SPATA16: variants seen among roughly 807,000 people sequenced by gnomAD.
The protein encoded by SPATA16 is spermatogenesis-associated protein 16.
Under a neutral mutation model 63.3 loss-of-function variants are expected in SPATA16, and 36 were observed. The ratio of observed to expected loss-of-function variants is 0.57; its 90% confidence interval spans 0.44 to 0.75. The LOEUF (loss-of-function observed/expected upper bound fraction) is 0.75, where lower values mean the gene tolerates loss of function less well. Among genes scored for constraint, SPATA16 ranks in the 30% least tolerant of loss-of-function variants. The pLI is 0.00. For synonymous variants in SPATA16, 203 were observed against 216.7 expected (o/e 0.94, Z 0.56); for missense variants, 646 against 679.3 (o/e 0.95, Z 0.54).
intron 3 of SPATA16, among the ~76,000 whole-genome samples, chr3:173,022,348 C>T (rs983008237): frequency 5.9e-5 from 9 of 151,924 alleles, no homozygotes; most frequent in Non-Finnish European, 1.0e-4. Flanking sequence ...TAAGAGGGAC[C>T]GAAGGAAGAC....
chr3:172,890,243 G>A (rs755542429), intron 10 of SPATA16, among the ~76,000 whole-genome samples: 59 of 152,002 alleles, frequency 3.9e-4, no homozygotes, highest in Non-Finnish European at 7.4e-4. Flanking sequence ...CACACTCCAG[G>A]GAATAAGGTA....
chr3:173,059,284 T>TC (rs1736319216), intron 2 of SPATA16, among the ~76,000 whole-genome samples: 3 of 151,818 alleles, frequency 2.0e-5, no homozygotes, highest in Admixed American at 2.0e-4. Flanking sequence ...CTTTTTTTTT[T>TC]CTTTCCTCTT....
intron 1 of SPATA16, among the ~76,000 whole-genome samples, chr3:173,132,873 G>T (rs372093109): frequency 1.3e-5 from 2 of 152,110 alleles, no homozygotes; most frequent in Non-Finnish European, 2.9e-5. Flanking sequence ...AGATTTAAAA[G>T]AACTCAATAT....
chr3:173,046,758 A>G (rs923990095), intron 3 of SPATA16, among the ~76,000 whole-genome samples: 2 of 151,998 alleles, frequency 1.3e-5, no homozygotes, highest in East Asian at 1.9e-4. Context: ...TTTGTTGACT[A>G]TATTTCAGAC....
At chr3:173,061,396 CT>C (rs1736375073) in intron 2 of SPATA16, among the ~76,000 whole-genome samples, 1 of 152,120 alleles carries the variant, frequency 6.6e-6, no homozygotes, top group Non-Finnish European at 1.5e-5. Context: ...GCCGTTCTTT[CT>C]TGGGGATTTG....
rs141025257 is a variant in SPATA16, at chr3:173,113,459, T to C, written c.612+3661A>G. On this transcript the variant is annotated intron_variant, in intron 2 of 10. Coordinates refer to ENST00000351008, the MANE Select transcript of SPATA16 (RefSeq NM_031955.6). ...ACCTTTATACAGTAAAAAGAAAGCA[T>C]GCAAAAATAAGTTATTTCATTAAGC... Among the ~76,000 whole-genome samples the C allele has an allele frequency of 1.5e-3, 226 of 152,334 alleles. 2 individuals are homozygous for C. The highest frequency in any genetic ancestry group is 2.6e-3 in the Non-Finnish European group (180 of 68,028).
At chr3:172,913,514 G>A (rs1732416009) in intron 10 of SPATA16, 147 bp downstream of exon 10, 3 of 713,674 alleles carry the variant, frequency 4.2e-6, no homozygotes, top group African/African-American at 1.8e-5. Flanking sequence ...CACACTTCCA[G>A]GGAGAGAGCT....
chr3:173,007,715 G>C (rs1734975270), intron 4 of SPATA16, among the ~76,000 whole-genome samples: 1 of 151,632 alleles, frequency 6.6e-6, no homozygotes, highest in South Asian at 2.1e-4. Flanking sequence ...GAAGAGACCA[G>C]ATTTGTGGCA....
chr3:172,983,574 A>G (rs1319602219), intron 4 of SPATA16, among the ~76,000 whole-genome samples: 1 of 152,178 alleles, frequency 6.6e-6, no homozygotes, highest in Non-Finnish European at 1.5e-5. Context: ...CCTTTCTCCT[A>G]TACTTAAAAA....
chr3:172,997,317 A>G (rs1213411765), intron 4 of SPATA16, among the ~76,000 whole-genome samples: 2 of 152,074 alleles, frequency 1.3e-5, no homozygotes, highest in African/African-American at 2.4e-5. Context: ...ATAGGTGTGT[A>G]GTGGTTGGTA....
chr3:173,082,482 C>A (rs1009354886), intron 2 of SPATA16, among the ~76,000 whole-genome samples: 1 of 152,182 alleles, frequency 6.6e-6, no homozygotes, highest in Non-Finnish European at 1.5e-5. Context: ...GCCTGGACAA[C>A]CCAGACCAAG....
At chr3:173,076,501 A>C (rs1431338917) in intron 2 of SPATA16, among the ~76,000 whole-genome samples, 4 of 152,110 alleles carry the variant, frequency 2.6e-5, no homozygotes. Flanking sequence ...CTTTTTTTAA[A>C]AAACATCCAT....
chr3:173,124,075 T>C (rs1336872102), intron 1 of SPATA16, among the ~76,000 whole-genome samples: 11 of 152,194 alleles, frequency 7.2e-5, no homozygotes. Flanking sequence ...TGCTGATCAC[T>C]AAGCCACCAA....
At chr3:173,084,952 G>C (rs886944812) in intron 2 of SPATA16, among the ~76,000 whole-genome samples, 2 of 152,286 alleles carry the variant, frequency 1.3e-5, no homozygotes, top group Admixed American at 1.3e-4. Flanking sequence ...TGGATAGCGT[G>C]ATGCCTCCAA....
intron 2 of SPATA16, among the ~76,000 whole-genome samples, chr3:173,097,098 G>A (rs987143135): frequency 9.9e-5 from 15 of 152,108 alleles, no homozygotes; most frequent in African/African-American, 3.1e-4. Context: ...ACTATTGTGT[G>A]TAATGAAATC....
chr3:173,014,327 A>G (rs1392553924), intron 4 of SPATA16, among the ~76,000 whole-genome samples: 1 of 152,214 alleles, frequency 6.6e-6, no homozygotes, highest in Non-Finnish European at 1.5e-5. Context: ...GTAAATTAAC[A>G]TAGGAATAGA....
chr3:172,998,722 T>G (rs968090281), intron 4 of SPATA16, among the ~76,000 whole-genome samples: 1 of 152,184 alleles, frequency 6.6e-6, no homozygotes, highest in African/African-American at 2.4e-5. Context: ...AGTTCCTTCT[T>G]ATTCCTAGTT....
chr3:173,069,345 T>TG (rs1736611298), intron 2 of SPATA16, among the ~76,000 whole-genome samples: 9 of 120,450 alleles, frequency 7.5e-5, no homozygotes, highest in Non-Finnish European at 1.1e-4. Context: ...CATTAGAGAC[T>TG]ATATGAGCAA....
At chr3:173,088,057 TCTTTCTTTCTTTCTTTCTTTCTGTC>T (rs1737115833) in intron 2 of SPATA16, among the ~76,000 whole-genome samples, 1 of 143,824 alleles carries the variant, frequency 7.0e-6, no homozygotes, top group African/African-American at 2.6e-5. Flanking sequence ...TTTCTTTCTT[TCTTTCTTTCTTTCTTTCTTTCTGTC>T]TTTTCTTTTT....
Sources: gnomAD v4.1 joint callset for allele counts (sites outside exome capture counted in the v4.1 genomes callset) on GRCh38, gnomAD v4.1.1 for gene constraint, MANE v1.5 for transcripts, NCBI Gene and HGNC (gene_info 2026-07-23, HGNC 2026-07-21) for gene names.